Variants in PAXBP1 observed in about 807,000 individuals in gnomAD.
PAXBP1 encodes PAX3- and PAX7-binding protein 1.
PAXBP1 carries 44 observed loss-of-function variants against 119.9 expected under a neutral mutation model. The observed-to-expected ratio is 0.37, with a 90% CI of 0.29 to 0.47. The LOEUF (loss-of-function observed/expected upper bound fraction) is 0.47. PAXBP1 is among the 20% of genes least tolerant of loss of function. The probability of loss-of-function intolerance (pLI) is 0.99; values close to 1 mark genes in which losing one functional copy is unlikely to be tolerated. For synonymous variants in PAXBP1, 393 were observed against 406.6 expected (o/e 0.97, Z 0.40); for missense variants, 898 against 1,134.1 (o/e 0.79, Z 2.99).
chr21:32,756,969 C>T (rs926873347), intron 7 of PAXBP1, among the ~76,000 whole-genome samples: 5 of 152,012 alleles, frequency 3.3e-5, no homozygotes, highest in South Asian at 2.1e-4. Context: ...GAGTCTGCAC[C>T]GTGACAATTT....
rs540749330 is a variant in PAXBP1, at chr21:32,759,239, T to C, written c.1224A>G (p.Thr408=). 2.4e-5 allele frequency: 39 copies of C among 1,614,010 alleles called. 1 individual carries two copies. The South Asian group carries it at 3.4e-4, about 14-fold the overall frequency. ...RLDSMKELHK[T]NRQQHEKHLQ... is the part of the protein sequence containing the mutation. The stretch of plus-strand genomic sequence containing the variant: ...GATGTTTCTCATGCTGCTGTCGATT[T>C]GTTTTGTGCAATTCTTTCATGGAGT... Residue 408 remains threonine, a synonymous_variant, in exon 7 of 18, where the codon ACA becomes ACG. Transcript: ENST00000331923.
intron 10 of PAXBP1, among the ~76,000 whole-genome samples, chr21:32,750,367 T>C (rs2043940621): frequency 6.6e-6 from 1 of 152,152 alleles, no homozygotes; most frequent in Admixed American, 6.5e-5. Flanking sequence ...ATGTTCACTG[T>C]AAAAAAAGTA....
At chr21:32,764,570 A>G (rs1326351612) in intron 2 of PAXBP1, 46 bp from the exon 3 acceptor site, 1 of 1,427,136 alleles carries the variant, frequency 7.0e-7, no homozygotes, top group Non-Finnish European at 9.4e-7. Context: ...AAATTCATAA[A>G]TTAAGAAAGT....
rs540108271 is a variant in PAXBP1 at position 32,767,715 on chromosome 21, T to C, written c.472+2099A>G. On this transcript the variant is annotated intron_variant, in intron 2 of 17. Transcript: ENST00000331923. ...TCTCTTGCTGCCGCCATGTAAAAAG[T>C]GCCTTTCACCTCCTGCCATGATTCT... 2.9e-4 allele frequency among the ~76,000 whole-genome samples: 44 copies of C among 152,298 alleles called. 1 individual carries two copies. Among genetic ancestry groups the C allele is most frequent in the South Asian group, 1.0e-3 (5 of 4,826 alleles).
At chr21:32,741,303 A>G (rs2043780193) in intron 15 of PAXBP1, 1 of 401,502 alleles carries the variant, frequency 2.5e-6, no homozygotes, top group Non-Finnish European at 4.5e-6. Context: ...CCTTTGCCCT[A>G]TGAAGTTTCG....
At chr21:32,756,336 C>T (rs1316560244) in intron 7 of PAXBP1, 1 of 531,050 alleles carries the variant, frequency 1.9e-6, no homozygotes, top group Non-Finnish European at 3.9e-6. Flanking sequence ...ACACTGGCAC[C>T]AAGTGTTATA....
At chr21:32,743,388 G>T (rs1601587469) in intron 14 of PAXBP1, 74 bp from the exon 15 acceptor site, 11 of 1,015,386 alleles carry the variant, frequency 1.1e-5, no homozygotes, top group East Asian at 2.6e-5. Flanking sequence ...CTGGACAAAA[G>T]ATTTTTCTAC....
Position 32,769,946 on chromosome 21 carries a change from A to G in PAXBP1, c.344-4T>C. ...ACTTTGAAAACTTCTTCATTTTCTTAAAAAGGAAATTAAATGAAGTCTGTA... is the reference window on the plus strand; with the variant it reads ...ACTTTGAAAACTTCTTCATTTTCTTGAAAAGGAAATTAAATGAAGTCTGTA... On this transcript the variant is annotated splice_region_variant and splice_polypyrimidine_tract_variant and intron_variant, in intron 1 of 17. Transcript: ENST00000331923. The G allele has an allele frequency of 2.0e-6, 3 of 1,515,380 alleles. No individual in the cohort carries two copies. In the East Asian group the frequency reaches 6.8e-5, roughly 34 times the overall value. 93.9% of individuals were successfully genotyped at this position (1,515,380 alleles called of 1,614,324 possible). A position where few individuals can be genotyped will look rare whatever the true frequency, so the allele number is the denominator to read the frequency against.
At chr21:32,748,887 T>C (rs2043915892) in intron 10 of PAXBP1, among the ~76,000 whole-genome samples, 189 bp from the exon 11 acceptor site, 1 of 152,218 alleles carries the variant, frequency 6.6e-6, no homozygotes, top group Non-Finnish European at 1.5e-5. Context: ...TTATGTAAAC[T>C]AAAGTGCAGC....
At position 32,771,643 on chromosome 21, in the gene PAXBP1, T is replaced by C. The variant is rs1426046320; in HGVS notation, c.26A>G (p.Asn9Ser). 1.4e-6 allele frequency: 2 copies of C among 1,443,536 alleles called. No individual in the cohort carries two copies. The highest frequency in any genetic ancestry group is 1.8e-6 in the Non-Finnish European group (2 of 1,100,252). The allele number at this position is 1,443,536 out of a possible 1,614,324, so 89.4% of individuals were successfully genotyped here. ...TTCGGAGTCGTTCCGCTTGCGCACG[T>C]TCACCCGCCGGGCCTTTCGGAACAT... MFRKARRVNVRKRNDSEEE... is the reference protein window; with the variant it reads MFRKARRVSVRKRNDSEEE... The change falls in exon 1 of 18, where the codon AAC becomes AGC. Residue 9 changes from asparagine to serine, a missense_variant. Asn to Ser is a conservative substitution (Grantham distance 46, BLOSUM62 1). This residue lies in a region of PAXBP1 where 299 missense variants were observed against 281.4 expected (regional missense o/e 1.06). Coordinates refer to ENST00000331923, the MANE Select transcript of PAXBP1 (RefSeq NM_016631.4).
intron 2 of PAXBP1, among the ~76,000 whole-genome samples, chr21:32,769,209 A>C (rs1470033640): frequency 1.3e-5 from 2 of 152,200 alleles, no homozygotes; most frequent in African/African-American, 4.8e-5. Flanking sequence ...AGACCATAGA[A>C]TATTATACTG....
At chr21:32,764,955 T>C (rs1315340599) in intron 2 of PAXBP1, among the ~76,000 whole-genome samples, 1 of 152,246 alleles carries the variant, frequency 6.6e-6, no homozygotes, top group African/African-American at 2.4e-5. Context: ...GGCAACTCTG[T>C]TATGAACAAA....
At chr21:32,764,586 C>T (rs1299202762) in intron 2 of PAXBP1, 62 bp from the exon 3 acceptor site, 13 of 1,327,500 alleles carry the variant, frequency 9.8e-6, no homozygotes, top group Non-Finnish European at 1.3e-5. Flanking sequence ...AAAGTTTATT[C>T]CAATGGTATT....
At position 32,734,994 on chromosome 21, in the gene PAXBP1, C is replaced by T. The variant is rs935990060; in HGVS notation, c.2710G>A (p.Asp904Asn). ...ALDHAMSVAS[D>N]HNVKEFKSLI... ...GACTTAAATTCTTTCACATTGTGGT[C>T]ACTTGCAACAGACATAGCATGATCC... The change falls in exon 18 of 18, where the codon GAC becomes AAC. Residue 904 changes from aspartate (D) to asparagine (N), a missense_variant. Around this residue, in one of 2 missense-constraint regions of PAXBP1, gnomAD observed 599 missense variants for 852.7 expected, o/e 0.70. Transcript: ENST00000331923. The T allele has an allele frequency of 2.0e-5, 32 of 1,613,710 alleles. No individual in the cohort carries two copies. The highest frequency in any genetic ancestry group is 4.0e-5 in the African/African-American group (3 of 74,878).
intron 10 of PAXBP1, among the ~76,000 whole-genome samples, chr21:32,749,063 A>G (rs931848659): frequency 6.6e-6 from 1 of 152,216 alleles, no homozygotes; most frequent in Non-Finnish European, 1.5e-5. Flanking sequence ...ACAGATTAAC[A>G]GCTGTGCATC....
chr21:32,756,226 C>G (rs1423197942), intron 7 of PAXBP1: 6 of 507,824 alleles, frequency 1.2e-5, no homozygotes, highest in Admixed American at 4.7e-5. Context: ...ATGAGACTTT[C>G]ACGTAACACT....
At chr21:32,763,636 G>A (rs771567463) in intron 3 of PAXBP1, among the ~76,000 whole-genome samples, 2 of 152,190 alleles carry the variant, frequency 1.3e-5, no homozygotes, top group Non-Finnish European at 2.9e-5. Flanking sequence ...TTAGCCAGTG[G>A]ATAGACCTGC....
At chr21:32,736,702 C>A (rs1030281111) in intron 17 of PAXBP1, among the ~76,000 whole-genome samples, 2 of 151,944 alleles carry the variant, frequency 1.3e-5, no homozygotes, top group Non-Finnish European at 2.9e-5. Flanking sequence ...TTCAAACTGC[C>A]CTACTTAGTG....
chr21:32,760,157 G>C (rs1031504794), intron 5 of PAXBP1, among the ~76,000 whole-genome samples, 163 bp from the exon 6 acceptor site: 1 of 152,154 alleles, frequency 6.6e-6, no homozygotes, highest in African/African-American at 2.4e-5. Context: ...AGGATTGAAT[G>C]AATGTCCTAT....
Sources: allele counts gnomAD v4.1 joint callset (sites outside exome capture counted in the v4.1 genomes callset), GRCh38; gene constraint gnomAD v4.1.1; regional missense constraint gnomAD v4.1.1; transcripts MANE v1.5; gene names NCBI Gene and HGNC (gene_info 2026-07-23, HGNC 2026-07-21).